The following SPOCK3 variants were observed in gnomAD, a reference collection of about 807,000 sequenced individuals.
The protein encoded by SPOCK3 is testican-3.
SPOCK3 carries 30 observed loss-of-function variants against 56.6 expected under a neutral mutation model. The observed-to-expected ratio is 0.53, with a 90% confidence interval of 0.40 to 0.72. The LOEUF is 0.72. SPOCK3 is among the 30% of genes least tolerant of loss of function. SPOCK3 has a pLI of 0.00. For synonymous variants in SPOCK3, 196 were observed against 183.3 expected (o/e 1.07, Z -0.56); for missense variants, 527 against 530.0 (o/e 0.99, Z 0.06).
intron 7 of SPOCK3, among the ~76,000 whole-genome samples, chr4:166,763,393 T>C (rs539535690): frequency 6.6e-6 from 1 of 152,188 alleles, no homozygotes; most frequent in East Asian, 1.9e-4. Flanking sequence ...TGAAATATAA[T>C]AATGTAATAA....
intron 2 of SPOCK3, among the ~76,000 whole-genome samples, chr4:167,199,940 T>C (rs140030179): frequency 6.6e-6 from 1 of 151,788 alleles, no homozygotes; most frequent in African/African-American, 2.4e-5. Context: ...AAAAAACCCA[T>C]GAATAATATG....
chr4:167,018,149 G>T (rs1326638077), intron 3 of SPOCK3, among the ~76,000 whole-genome samples: 1 of 151,974 alleles, frequency 6.6e-6, no homozygotes, highest in Non-Finnish European at 1.5e-5. Context: ...GATTAATAGA[G>T]TACAAGTATT....
chr4:167,120,131 GA>G (rs1451231800), intron 2 of SPOCK3, among the ~76,000 whole-genome samples: 4 of 151,996 alleles, frequency 2.6e-5, no homozygotes, highest in Non-Finnish European at 1.5e-5. Context: ...CTAATTTCAA[GA>G]GGCACAATAA....
At chr4:167,030,939 C>G (rs577350279) in intron 3 of SPOCK3, among the ~76,000 whole-genome samples, 2 of 152,156 alleles carry the variant, frequency 1.3e-5, no homozygotes, top group Admixed American at 1.3e-4. Context: ...GCACATTGCT[C>G]CATTTCCCGT....
intron 6 of SPOCK3, among the ~76,000 whole-genome samples, chr4:166,849,901 T>C (rs1748500113): frequency 6.6e-6 from 1 of 152,222 alleles, no homozygotes; most frequent in Admixed American, 6.5e-5. Context: ...TATTGTAGCA[T>C]GTGCCAGAAT....
intron 7 of SPOCK3, among the ~76,000 whole-genome samples, chr4:166,768,505 A>G (rs1181731760): frequency 6.6e-6 from 1 of 152,196 alleles, no homozygotes; most frequent in Admixed American, 6.5e-5. Context: ...AAGAATGTTG[A>G]ATATTGGCCC....
chr4:167,212,533 G>A (rs1030631200), intron 2 of SPOCK3, among the ~76,000 whole-genome samples: 65 of 152,098 alleles, frequency 4.3e-4, no homozygotes, highest in African/African-American at 1.1e-3. Flanking sequence ...GAGCCACGGC[G>A]CCCAGCCAAA....
At chr4:166,806,950 C>T (rs1743223148) in intron 6 of SPOCK3, among the ~76,000 whole-genome samples, 2 of 151,864 alleles carry the variant, frequency 1.3e-5, no homozygotes, top group South Asian at 4.1e-4. Flanking sequence ...AAGAGATTAA[C>T]AACAATAACT....
intron 3 of SPOCK3, among the ~76,000 whole-genome samples, chr4:167,056,906 C>A (rs1359934907): frequency 3.9e-5 from 6 of 152,030 alleles, no homozygotes; most frequent in Admixed American, 3.9e-4. Context: ...GCAAGGCAGG[C>A]CAACATTCAG....
intron 3 of SPOCK3, among the ~76,000 whole-genome samples, chr4:167,027,887 T>C (rs902259308): frequency 6.6e-6 from 1 of 152,024 alleles, no homozygotes; most frequent in Non-Finnish European, 1.5e-5. Context: ...AAACACACAG[T>C]TCAACCCATG....
At chr4:167,035,936 C>T (rs531714100) in intron 3 of SPOCK3, among the ~76,000 whole-genome samples, 1 of 152,192 alleles carries the variant, frequency 6.6e-6, no homozygotes, top group East Asian at 1.9e-4. Context: ...CTTAACAACC[C>T]CCATTTCCCT....
intron 8 of SPOCK3, 44 bp from the exon 9 acceptor site, chr4:166,742,103 C>G (rs954644314): frequency 7.2e-7 from 1 of 1,398,382 alleles, no homozygotes; most frequent in African/African-American, 1.4e-5. Flanking sequence ...TCTAGTTAAA[C>G]AAAGAAAGTG....
intron 2 of SPOCK3, among the ~76,000 whole-genome samples, chr4:167,212,432 G>A (rs1305515423): frequency 6.6e-6 from 1 of 151,804 alleles, no homozygotes; most frequent in Admixed American, 6.6e-5. Context: ...TGTAGAGCCG[G>A]GGTTTCATCA....
intron 3 of SPOCK3, among the ~76,000 whole-genome samples, chr4:167,030,612 T>G (rs549821861): frequency 3.3e-5 from 5 of 152,170 alleles, no homozygotes; most frequent in Admixed American, 1.3e-4. Context: ...GGTAAATTGT[T>G]TTATGATTTG....
intron 4 of SPOCK3, among the ~76,000 whole-genome samples, chr4:166,935,859 G>A (rs1740339466): frequency 6.6e-6 from 1 of 152,136 alleles, no homozygotes; most frequent in Non-Finnish European, 1.5e-5. Context: ...AATATATTTT[G>A]AAGATAGAGA....
intron 7 of SPOCK3, among the ~76,000 whole-genome samples, chr4:166,779,815 A>G (rs2126609760): frequency 6.6e-6 from 1 of 152,358 alleles, no homozygotes; most frequent in East Asian, 1.9e-4. Context: ...ATCATAGTCA[A>G]ACTTTCAAGA....
chr4:167,072,411 G>A (rs1330658352), intron 2 of SPOCK3, among the ~76,000 whole-genome samples: 2 of 151,902 alleles, frequency 1.3e-5, no homozygotes, highest in African/African-American at 2.4e-5. Context: ...CATAAGGCCC[G>A]AAAAGCTTAA....
intron 4 of SPOCK3, among the ~76,000 whole-genome samples, chr4:166,960,076 G>T (rs1743979203): frequency 6.6e-6 from 1 of 152,112 alleles, no homozygotes; most frequent in Admixed American, 6.6e-5. Context: ...TTCTGATTAT[G>T]AAAGTAGTAT....
chr4:167,078,457 A>T (rs1757409962), intron 2 of SPOCK3, among the ~76,000 whole-genome samples: 1 of 151,410 alleles, frequency 6.6e-6, no homozygotes, highest in Non-Finnish European at 1.5e-5. Context: ...ATAGATAGGC[A>T]AACTCATAAT....
Sources: allele counts gnomAD v4.1 joint callset (sites outside exome capture counted in the v4.1 genomes callset), GRCh38; gene constraint gnomAD v4.1.1; transcripts MANE v1.5; gene names NCBI Gene and HGNC (gene_info 2026-07-23, HGNC 2026-07-21).